Variants in CALN1 observed in about 807,000 individuals in gnomAD.
The protein encoded by CALN1 is calneuron 1.
CALN1 carries 17 observed loss-of-function variants against 30.6 expected under a neutral mutation model. The observed-to-expected ratio is 0.56, with a 90% CI of 0.38 to 0.83. The LOEUF (loss-of-function observed/expected upper bound fraction) is 0.83. Ranked by LOEUF, CALN1 falls within the 40% of genes least tolerant of loss-of-function variation. The pLI is 0.00. For synonymous variants in CALN1, 156 were observed against 131.4 expected, an observed-to-expected ratio of 1.19 and a Z score of -1.28; for missense variants, 291 against 354.9, an observed-to-expected ratio of 0.82 and a Z score of 1.45.
intron 3 of CALN1, among the ~76,000 whole-genome samples, chr7:72,201,030 T>C (rs1445806168): frequency 6.6e-6 from 1 of 152,202 alleles, no homozygotes; most frequent in East Asian, 1.9e-4. Context: ...GGAATCAACC[T>C]AGGTGCCCAT....
chr7:72,310,474 T>C (rs1190047663), intron 2 of CALN1, among the ~76,000 whole-genome samples: 2 of 151,352 alleles, frequency 1.3e-5, no homozygotes, highest in Non-Finnish European at 1.5e-5. Flanking sequence ...ACAAAAGGAA[T>C]CTTGGCTTCT....
At chr7:72,070,004 T>C (rs1268871463) in intron 4 of CALN1, among the ~76,000 whole-genome samples, 3 of 152,096 alleles carry the variant, frequency 2.0e-5, no homozygotes, top group Non-Finnish European at 4.4e-5. Flanking sequence ...CCAAACTCTA[T>C]GGGGCACAGA....
At chr7:72,192,234 A>T (rs1790661807) in intron 3 of CALN1, among the ~76,000 whole-genome samples, 1 of 152,200 alleles carries the variant, frequency 6.6e-6, no homozygotes, top group South Asian at 2.1e-4. Context: ...ACAACGTGTT[A>T]CTGGACTGAA....
chr7:71,972,280 C>T (rs1026634166), intron 5 of CALN1, among the ~76,000 whole-genome samples: 1 of 152,050 alleles, frequency 6.6e-6, no homozygotes, highest in South Asian at 2.1e-4. Flanking sequence ...CAATAGTGGG[C>T]GTTTGCATTT....
intron 5 of CALN1, among the ~76,000 whole-genome samples, chr7:71,835,036 T>G (rs1789524625): frequency 6.6e-6 from 1 of 152,162 alleles, no homozygotes; most frequent in South Asian, 2.1e-4. Flanking sequence ...GGTCTCACTA[T>G]GTTGTCTAGG....
At chr7:72,149,619 C>T (rs1787062901) in intron 3 of CALN1, among the ~76,000 whole-genome samples, 1 of 152,178 alleles carries the variant, frequency 6.6e-6, no homozygotes, top group African/African-American at 2.4e-5. Context: ...GTTCCCCACA[C>T]TTTAGACCAT....
intron 6 of CALN1, among the ~76,000 whole-genome samples, chr7:71,790,253 GAAGA>G (rs1443387339): frequency 7.1e-6 from 1 of 141,788 alleles, no homozygotes; most frequent in Non-Finnish European, 1.5e-5. Flanking sequence ...AAGGAAGGAA[GAAGA>G]AAGAAAGCAA....
At chr7:72,453,084 G>A in the CALN1 span, among the ~76,000 whole-genome samples, 3 of 152,330 alleles carry the variant, frequency 2.0e-5, no homozygotes, top group African/African-American at 7.2e-5. Flanking sequence ...CCCTTCCTAA[G>A]CCAGGCAAAT....
At chr7:72,202,305 A>G (rs1478647357) in intron 3 of CALN1, among the ~76,000 whole-genome samples, 1 of 152,224 alleles carries the variant, frequency 6.6e-6, no homozygotes, top group Non-Finnish European at 1.5e-5. Flanking sequence ...AATGAGAATG[A>G]CAGCTCTGTG....
At chr7:72,232,309 A>C (rs144178790) in intron 3 of CALN1, among the ~76,000 whole-genome samples, 1 of 152,372 alleles carries the variant, frequency 6.6e-6, no homozygotes, top group African/African-American at 2.4e-5. Context: ...TCCGGGAAGA[A>C]GACAACTAAT....
At chr7:72,038,329 A>G (rs1801926179) in intron 4 of CALN1, among the ~76,000 whole-genome samples, 1 of 151,614 alleles carries the variant, frequency 6.6e-6, no homozygotes, top group South Asian at 2.1e-4. Context: ...CCATTACATC[A>G]GCATGGCAAA....
At chr7:71,975,869 T>C (rs1357483044) in intron 5 of CALN1, among the ~76,000 whole-genome samples, 2 of 150,400 alleles carry the variant, frequency 1.3e-5, no homozygotes, top group Non-Finnish European at 3.0e-5. Context: ...CCAGTTTCAG[T>C]ACAAAACACA....
At chr7:71,902,168 G>A (rs893200245) in intron 5 of CALN1, among the ~76,000 whole-genome samples, 2 of 151,986 alleles carry the variant, frequency 1.3e-5, no homozygotes, top group Non-Finnish European at 2.9e-5. Flanking sequence ...AGCTTGCAGT[G>A]AGCTGAGATG....
chr7:72,395,303 A>C (rs1310908475), intron 2 of CALN1, among the ~76,000 whole-genome samples: 2 of 152,048 alleles, frequency 1.3e-5, no homozygotes, highest in African/African-American at 4.8e-5. Flanking sequence ...TAAACACTTA[A>C]TAGGTGGTTT....
intron 5 of CALN1, among the ~76,000 whole-genome samples, chr7:71,870,147 C>A (rs1328362049): frequency 6.6e-6 from 1 of 152,158 alleles, no homozygotes; most frequent in Non-Finnish European, 1.5e-5. Context: ...CTTTGGGAGT[C>A]CGAGGTGGGC....
intron 5 of CALN1, among the ~76,000 whole-genome samples, chr7:71,888,726 G>A (rs568508917): frequency 2.9e-4 from 44 of 152,078 alleles, no homozygotes; most frequent in East Asian, 1.9e-3. Flanking sequence ...GGCAGAGTTC[G>A]GAGCTGGTAG....
chr7:71,902,789 A>G (rs1459788009), intron 5 of CALN1, among the ~76,000 whole-genome samples: 16 of 152,188 alleles, frequency 1.1e-4, no homozygotes, highest in Non-Finnish European at 2.1e-4. Context: ...ATATTACGGA[A>G]TACTACTCAG....
chr7:72,359,431 T>G (rs757428198), intron 2 of CALN1, among the ~76,000 whole-genome samples: 2 of 152,196 alleles, frequency 1.3e-5, no homozygotes, highest in Non-Finnish European at 2.9e-5. Context: ...ATCTGCTGCT[T>G]CTTTATACAA....
At chr7:72,007,676 CTTGT>C (rs1178051782) in intron 5 of CALN1, among the ~76,000 whole-genome samples, 1 of 152,140 alleles carries the variant, frequency 6.6e-6, no homozygotes, top group Non-Finnish European at 1.5e-5. Flanking sequence ...GTGCGAGAGC[CTTGT>C]TTATTGATCA....
Sources: allele counts gnomAD v4.1 joint callset (sites outside exome capture counted in the v4.1 genomes callset), GRCh38; gene constraint gnomAD v4.1.1; transcripts MANE v1.5; gene names NCBI Gene and HGNC (gene_info 2026-07-23, HGNC 2026-07-21).